The following PCSK4 variants were observed in gnomAD, a reference collection of about 807,000 sequenced individuals.
The protein encoded by PCSK4 is testicular tissue protein Li 135.
A neutral mutation model predicts 80.3 loss-of-function variants in PCSK4; 64 were observed. The ratio of observed to expected loss-of-function variants is 0.80; its 90% CI spans 0.65 to 0.98. PCSK4 has a LOEUF of 0.98. Among genes scored for constraint, PCSK4 ranks in the 50% least tolerant of loss-of-function variants. The probability of loss-of-function intolerance (pLI) is 0.00; values close to 1 mark genes in which losing one functional copy is unlikely to be tolerated. For missense variants in PCSK4, 1,213 were observed against 1,093.6 expected (o/e 1.11, Z -1.54); for synonymous variants, 561 against 487.6 (o/e 1.15, Z -1.98).
exon 12 of PCSK4, chr19:1,483,303 A>G (rs1443667006): frequency 1.2e-6 from 2 of 1,603,134 alleles, no homozygotes; most frequent in South Asian, 1.1e-5. Flanking sequence ...ACGAGTGTGG[A>G]GCGCGTGCCC....
intron 4 of PCSK4, 32 bp downstream of exon 4, chr19:1,487,932 C>A (rs1240907677): frequency 1.0e-5 from 16 of 1,592,126 alleles, no homozygotes; most frequent in Non-Finnish European, 1.3e-5. Context: ...GCACCTGGGG[C>A]AGCCCTCGCC....
At chr19:1,482,528 T>C (rs1599196359) in intron 13 of PCSK4, 53 bp from the exon 14 acceptor site, 1 of 1,566,578 alleles carries the variant, frequency 6.4e-7, no homozygotes, top group Non-Finnish European at 8.6e-7. Context: ...CTCGGCAGCC[T>C]GGTCCTGGTA....
At position 1,481,951 on chromosome 19, in the gene PCSK4, G is replaced by A. The variant is rs763215856; in HGVS notation, c.2076C>T (p.Arg692=). ...GACAGGCGGCAGCTCTAAGCCGGGG[G>A]CGGCTGTCGGGGGTGGTGGGTCCCA... Residue 692 remains arginine (R), a synonymous_variant, in exon 15 of 15, where the codon CGC becomes CGT. Transcript: ENST00000300954. The A allele has an allele frequency of 8.8e-6, 14 of 1,595,922 alleles. No individual in the cohort carries two copies. In the South Asian group the frequency reaches 1.2e-4, roughly 14 times the overall value.
intron 8 of PCSK4, among the ~76,000 whole-genome samples, chr19:1,484,811 T>C (rs1484158381): frequency 6.6e-6 from 1 of 151,560 alleles, no homozygotes; most frequent in Non-Finnish European, 1.5e-5. Flanking sequence ...AGACTCCATC[T>C]CAAAAAAATA....
exon 9 of PCSK4, chr19:1,484,087 G>A (rs368761042): frequency 1.5e-5 from 24 of 1,567,046 alleles, no homozygotes; most frequent in South Asian, 2.3e-5. Flanking sequence ...CGAGGTGCCC[G>A]TGTGCTGGTC....
chr19:1,486,570 A>C (rs970681895), intron 8 of PCSK4, among the ~76,000 whole-genome samples: 1 of 151,504 alleles, frequency 6.6e-6, no homozygotes, highest in African/African-American at 2.4e-5. Context: ...TGCTGGGATT[A>C]CAGGCGTCAG....
rs377764969 is a variant in PCSK4, at chr19:1,489,188, A to G, written c.294+605T>C. Among the ~76,000 whole-genome samples, 27 of 148,264 alleles carry G rather than the reference A, an allele frequency of 1.8e-4. No individual in the cohort carries two copies. The East Asian group carries it at 4.8e-3, about 26-fold the overall frequency. On this transcript the variant is annotated intron_variant, in intron 2 of 14. Transcript: ENST00000300954. ...GCTCTGTCGCCCAGGCTGGAGTGCA[A>G]TGGCGCGATCTCGGCTCACTGCAAG...
At chr19:1,487,441 C>A in intron 6 of PCSK4, 128 bp from the exon 7 acceptor site, 2 of 997,388 alleles carry the variant, frequency 2.0e-6, no homozygotes, top group South Asian at 1.6e-5. Flanking sequence ...TGGAGTGGGA[C>A]CATTCGTATT....
intron 8 of PCSK4, among the ~76,000 whole-genome samples, chr19:1,485,290 A>T (rs2084544852): frequency 2.6e-5 from 4 of 152,002 alleles, no homozygotes; most frequent in Admixed American, 1.3e-4. Flanking sequence ...TTAGCCGGGC[A>T]TGGTGGCGTG....
intron 2 of PCSK4, 69 bp from the exon 3 acceptor site, chr19:1,488,349 G>A: frequency 8.3e-7 from 1 of 1,211,266 alleles, no homozygotes; most frequent in Non-Finnish European, 1.2e-6. Context: ...TTCAGGGAGT[G>A]AGGCAGCCCC....
chr19:1,485,373 G>A (rs1433852149), intron 8 of PCSK4, among the ~76,000 whole-genome samples: 1 of 151,578 alleles, frequency 6.6e-6, no homozygotes. Context: ...AGACCAGCCT[G>A]GCCAACATGG....
chr19:1,485,493 A>C (rs536479891), intron 8 of PCSK4, among the ~76,000 whole-genome samples: 48 of 152,282 alleles, frequency 3.2e-4, no homozygotes, highest in Middle Eastern at 6.8e-3. Flanking sequence ...TGAGCCCGGC[A>C]GGCGTAGGTT....
intron 12 of PCSK4, 32 bp from the exon 13 acceptor site, chr19:1,483,052 G>T: frequency 6.7e-7 from 1 of 1,489,240 alleles, no homozygotes; most frequent in Non-Finnish European, 9.0e-7. Context: ...GGGTGGGGGT[G>T]TCAAGAGGGA....
chr19:1,487,355 C>A, intron 6 of PCSK4, 42 bp from the exon 7 acceptor site: 1 of 1,493,078 alleles, frequency 6.7e-7, no homozygotes, highest in South Asian at 1.2e-5. Flanking sequence ...CCGGCCCTGC[C>A]CTTCCCCACA....
At chr19:1,481,990 C>G in exon 15 of PCSK4, 1 of 1,593,536 alleles carries the variant, frequency 6.3e-7, no homozygotes, top group Non-Finnish European at 8.5e-7. Context: ...AGGAGCCCTG[C>G]TGCTGGTCCA....
exon 15 of PCSK4, chr19:1,481,825 G>A (rs779086627): frequency 1.6e-5 from 25 of 1,546,384 alleles, no homozygotes; most frequent in East Asian, 4.5e-5. Flanking sequence ...AGAGCCAGGC[G>A]TATAGTGGGA....
chr19:1,487,159 G>A, exon 7 of PCSK4: 2 of 1,606,176 alleles, frequency 1.2e-6, no homozygotes, highest in South Asian at 1.1e-5. Flanking sequence ...CACCACGCCG[G>A]AAGGCCTCGC....
At chr19:1,485,874 A>C (rs1282908217) in intron 8 of PCSK4, among the ~76,000 whole-genome samples, 2 of 152,124 alleles carry the variant, frequency 1.3e-5, no homozygotes, top group African/African-American at 4.8e-5. Context: ...CCATCTTCAA[A>C]AACAAACAAA....
chr19:1,487,328 C>T lies in PCSK4; in HGVS notation c.683-15G>A, dbSNP rs772230525. 60 of 1,568,766 alleles carry T rather than the reference C, an allele frequency of 3.8e-5. No homozygotes were observed. The highest frequency in any genetic ancestry group is 4.3e-4 in the Middle Eastern group (2 of 4,638). ...CATCCGTACGCCTGCAGAGCCAGGG[C>T]GGGAGGGCCGCTGCCACCGGCCCTG... On this transcript the variant is annotated splice_polypyrimidine_tract_variant and intron_variant, in intron 6 of 14. Transcript: ENST00000300954.
Sources: gnomAD v4.1 joint callset for allele counts (sites outside exome capture counted in the v4.1 genomes callset) on GRCh38, gnomAD v4.1.1 for gene constraint, MANE v1.5 for transcripts, NCBI Gene and HGNC (gene_info 2026-07-23, HGNC 2026-07-21) for gene names.